The following LRRC72 variants were observed in gnomAD, a reference collection of about 807,000 sequenced individuals.
LRRC72 encodes leucine-rich repeat-containing protein 72.
In LRRC72, 41 loss-of-function variants were observed where a neutral mutation model predicts 35.8. The ratio of observed to expected loss-of-function variants is 1.15; its 90% CI spans 0.89 to 1.49. The LOEUF is 1.49. Ranked by LOEUF, LRRC72 falls within the 40% of genes most tolerant of loss-of-function variation. The probability of loss-of-function intolerance (pLI) is 0.00; values close to 1 mark genes in which losing one functional copy is unlikely to be tolerated. For synonymous variants in LRRC72, 118 were observed against 119.2 expected, an observed-to-expected ratio of 0.99 and a Z score of 0.07; for missense variants, 389 against 330.7, an observed-to-expected ratio of 1.18 and a Z score of -1.37.
At chr7:16,546,688 C>T (rs889864540) in intron 3 of LRRC72, among the ~76,000 whole-genome samples, 3 of 152,170 alleles carry the variant, frequency 2.0e-5, no homozygotes, top group Non-Finnish European at 4.4e-5. Context: ...CCTGCCATCT[C>T]TTGCTGGCTT....
chr7:16,568,880 G>T (rs540137451), intron 7 of LRRC72, among the ~76,000 whole-genome samples: 16 of 152,108 alleles, frequency 1.1e-4, no homozygotes, highest in Non-Finnish European at 1.9e-4. Flanking sequence ...AAAATGCTGA[G>T]GACAAGTAAT....
chr7:16,558,594 G>A (rs888167348), intron 4 of LRRC72, among the ~76,000 whole-genome samples: 1 of 151,910 alleles, frequency 6.6e-6, no homozygotes, highest in Non-Finnish European at 1.5e-5. Context: ...TGGGCAACAA[G>A]AGTGAAACTC....
rs1583650112 is a variant in LRRC72 at position 16,566,391 on chromosome 7, T to C, written c.506T>C (p.Leu169Pro). ...IIYHLPGVEL[L>P]DRNQVTEKER... is the part of the protein sequence containing the mutation. Reference sequence around the variant, plus strand: ...TACCACCTTCCAGGAGTGGAGCTGCTTGACCGAAATCGTAAGGACCCTTCC... The same window carrying C: ...TACCACCTTCCAGGAGTGGAGCTGCCTGACCGAAATCGTAAGGACCCTTCC... Residue 169 changes from leucine to proline, a missense_variant, in exon 6 of 9, where the codon CTT becomes CCT. Leu to Pro is a moderately conservative substitution (Grantham distance 98). Transcript: ENST00000401542. 6 of 1,544,362 alleles carry C rather than the reference T, an allele frequency of 3.9e-6. No individual in the cohort carries two copies. The East Asian group carries it at 1.5e-4, about 38-fold the overall frequency.
intron 7 of LRRC72, among the ~76,000 whole-genome samples, chr7:16,575,569 T>C (rs933194044): frequency 6.6e-6 from 1 of 152,244 alleles, no homozygotes; most frequent in African/African-American, 2.4e-5. Context: ...TTCTGATTTT[T>C]AAAATGAGTA....
chr7:16,572,243 A>C (rs564790883), intron 7 of LRRC72, among the ~76,000 whole-genome samples: 3 of 152,338 alleles, frequency 2.0e-5, no homozygotes, highest in South Asian at 4.1e-4. Context: ...AGGAGCTAGT[A>C]CCATTCCTTC....
chr7:16,556,725 G>A (rs923445840), intron 3 of LRRC72, among the ~76,000 whole-genome samples: 1 of 152,154 alleles, frequency 6.6e-6, no homozygotes, highest in Admixed American at 6.6e-5. Flanking sequence ...AACAAAAAGT[G>A]GGTCAATAGG....
chr7:16,534,462 G>A (rs1054977188), intron 2 of LRRC72, among the ~76,000 whole-genome samples: 2 of 151,924 alleles, frequency 1.3e-5, no homozygotes, highest in African/African-American at 4.8e-5. Flanking sequence ...TTTTAAAAAA[G>A]AAAAATGAAA....
chr7:16,541,995 G>A (rs1583638612), intron 3 of LRRC72, among the ~76,000 whole-genome samples: 1 of 152,040 alleles, frequency 6.6e-6, no homozygotes, highest in Admixed American at 6.5e-5. Context: ...GTCACAGTGC[G>A]CGACTTCTGT....
rs1782802732 is a variant in LRRC72 at position 16,564,924 on chromosome 7, A to G, written c.428-1389A>G. Among the ~76,000 whole-genome samples the G allele has an allele frequency of 2.6e-5, 4 of 152,082 alleles. No individual in the cohort carries two copies. The South Asian group carries it at 8.3e-4, about 31-fold the overall frequency. On this transcript the variant is annotated intron_variant, in intron 5 of 8. Transcript: ENST00000401542. ...ATTAATCAGTTTTTTCCGAGTTTCT[A>G]ATGCTTACTATTTTCATGCCTTTAT...
intron 5 of LRRC72, among the ~76,000 whole-genome samples, chr7:16,559,663 A>G (rs1583646779): frequency 6.6e-6 from 1 of 152,140 alleles, no homozygotes; most frequent in African/African-American, 2.4e-5. Flanking sequence ...CCGAGAGGTA[A>G]CTGTTTTTAA....
intron 7 of LRRC72, among the ~76,000 whole-genome samples, chr7:16,573,049 A>G (rs1165693665): frequency 2.0e-5 from 3 of 152,208 alleles, no homozygotes; most frequent in East Asian, 1.9e-4. Context: ...ACTCCCATTC[A>G]CAATTGCTAC....
intron 7 of LRRC72, among the ~76,000 whole-genome samples, chr7:16,569,495 G>A (rs189692286): frequency 5.3e-5 from 8 of 152,284 alleles, no homozygotes; most frequent in Admixed American, 1.3e-4. Context: ...ACTGCATTTG[G>A]CATTTCCAAC....
chr7:16,543,003 A>C (rs517529), intron 3 of LRRC72, among the ~76,000 whole-genome samples: 1 of 152,150 alleles, frequency 6.6e-6, no homozygotes. Flanking sequence ...GATAAGTAAA[A>C]AAGCTAATGT....
chr7:16,558,867 A>C (rs1158989178), intron 4 of LRRC72, 22 bp from the exon 5 acceptor site: 1 of 1,334,188 alleles, frequency 7.5e-7, no homozygotes, highest in Non-Finnish European at 9.9e-7. Context: ...AAAATCTTGT[A>C]AAAATATTCT....
At chr7:16,538,648 G>A (rs751513020) in intron 3 of LRRC72, among the ~76,000 whole-genome samples, 2 of 152,260 alleles carry the variant, frequency 1.3e-5, no homozygotes, top group African/African-American at 4.8e-5. Context: ...GTCTCCACCC[G>A]AATCTCATCT....
At chr7:16,532,704 C>A in intron 2 of LRRC72, 136 bp downstream of exon 2, 3 of 741,602 alleles carry the variant, frequency 4.0e-6, no homozygotes, top group Non-Finnish European at 7.3e-6. Context: ...TTACCACTTC[C>A]TGGAATCCAC....
intron 7 of LRRC72, among the ~76,000 whole-genome samples, chr7:16,574,277 G>C (rs1034866982): frequency 6.6e-6 from 1 of 152,138 alleles, no homozygotes; most frequent in African/African-American, 2.4e-5. Flanking sequence ...AATACAATTT[G>C]ACCCAGCAAT....
chr7:16,536,463 T>A (rs115836850), intron 2 of LRRC72, among the ~76,000 whole-genome samples: 3,076 of 152,184 alleles, frequency 0.02, 110 homozygotes, highest in African/African-American at 0.071. Context: ...CTAAGACACC[T>A]GCAATAAGCC....
At chr7:16,579,452 A>G (rs1783103673) in intron 7 of LRRC72, among the ~76,000 whole-genome samples, 1 of 152,152 alleles carries the variant, frequency 6.6e-6, no homozygotes, top group South Asian at 2.1e-4. Context: ...AGGTGCTAGT[A>G]AAATCCATCT....
Sources: allele counts gnomAD v4.1 joint callset (sites outside exome capture counted in the v4.1 genomes callset), GRCh38; gene constraint gnomAD v4.1.1; transcripts MANE v1.5; gene names NCBI Gene and HGNC (gene_info 2026-07-23, HGNC 2026-07-21).